Variants in DGKK observed in about 807,000 individuals in gnomAD.
DGKK encodes diacylglycerol kinase kappa, also known as 142 kDa diacylglycerol kinase.
DGKK carries 35 observed loss-of-function variants against 92.2 expected under a neutral mutation model. The observed-to-expected ratio is 0.38, with a 90% CI of 0.29 to 0.50. DGKK has a LOEUF of 0.50. Among genes scored for constraint, DGKK ranks in the 20% least tolerant of loss-of-function variants. The pLI, the probability that DGKK is intolerant of heterozygous loss-of-function variation, is 0.92. For missense variants in DGKK, 910 were observed against 992.2 expected (o/e 0.92, Z 1.11); for synonymous variants, 368 against 360.6 (o/e 1.02, Z -0.23).
rs781924107 is a variant in DGKK, at chrX:50,370,433, A to T, written c.3729T>A (p.Ser1243Arg). The change falls in exon 27 of 28, where the codon AGT (serine) becomes AGA (arginine). Residue 1243 changes from serine (S) to arginine (R), a missense_variant. Physicochemically the swap from Ser to Arg is moderately radical, Grantham distance 110. Transcript: ENST00000611977. The part of the protein sequence containing the change: ...RKPKSGQSVQ[S>R]FIGNLWHRRH... ...CCTGTGGGGGAGACTTACCAATAAA[A>T]CTCTGGACACTCTGGCCTGATTTAG... 1 of 1,186,616 alleles carries T rather than the reference A, an allele frequency of 8.4e-7. No homozygotes were observed. The highest frequency in any genetic ancestry group is 1.9e-5 in the South Asian group (1 of 53,536).
intron 1 of DGKK, among the ~76,000 whole-genome samples, chrX:50,435,781 C>CAGAG (rs1362629592): frequency 9.3e-6 from 1 of 107,864 alleles, no homozygotes; most frequent in Non-Finnish European, 1.9e-5. Flanking sequence ...GAGAGAGACT[C>CAGAG]AGAGAGAGAG....
chrX:50,443,175 A>G (rs1439987331), intron 1 of DGKK, among the ~76,000 whole-genome samples: 2 of 111,294 alleles, frequency 1.8e-5, no homozygotes, highest in Non-Finnish European at 3.8e-5. Flanking sequence ...AGGGTATTAT[A>G]CAAAGGGGTG....
At chrX:50,445,034 A>G (rs1926257481) in intron 1 of DGKK, among the ~76,000 whole-genome samples, 2 of 109,082 alleles carry the variant, frequency 1.8e-5, no homozygotes, top group South Asian at 8.0e-4. Flanking sequence ...CATTTCTCCA[A>G]TTATTAGCAA....
chrX:50,422,482 T>C lies in DGKK; in HGVS notation c.801A>G (p.Ala267=). 1 of 1,207,885 alleles carries C rather than the reference T, an allele frequency of 8.3e-7. No homozygotes were observed. Among genetic ancestry groups the C allele is most frequent in the South Asian group, 1.8e-5 (1 of 56,078 alleles). The stretch of plus-strand genomic sequence containing the variant: ...GGCAAAGGTTTCTACAGCTGCTTTC[T>C]GCCACAGTGGCTTGAGACAGATCAA... ...ETIDLSQATV[A]ESSCRNLCHS... is the part of the protein sequence containing the mutation. Residue 267 remains alanine, a synonymous_variant, in exon 3 of 28, where the codon GCA becomes GCG. Coordinates refer to ENST00000611977, the MANE Select transcript of DGKK (RefSeq NM_001013742.4).
chrX:50,392,540 T>C (rs1924727841), intron 9 of DGKK, 91 bp from the exon 10 acceptor site: 2 of 701,179 alleles, frequency 2.9e-6, no homozygotes, highest in East Asian at 6.7e-5. Context: ...GGATTGCTGC[T>C]TTGGCACTCT....
intron 1 of DGKK, among the ~76,000 whole-genome samples, chrX:50,443,461 T>G (rs1305627015): frequency 9.0e-6 from 1 of 110,737 alleles, no homozygotes; most frequent in African/African-American, 3.3e-5. Flanking sequence ...AGCAAAATAT[T>G]TAGCATCCAA....
intron 1 of DGKK, among the ~76,000 whole-genome samples, chrX:50,458,435 A>C (rs1178439480): frequency 1.8e-5 from 2 of 109,365 alleles, no homozygotes; most frequent in Non-Finnish European, 3.8e-5. Flanking sequence ...TGAAATAGGA[A>C]AAAATGTCAT....
At chrX:50,438,931 G>A (rs1557231058) in intron 1 of DGKK, among the ~76,000 whole-genome samples, 1 of 111,410 alleles carries the variant, frequency 9.0e-6, no homozygotes, top group African/African-American at 3.3e-5. Context: ...CCCAGGAATA[G>A]AGATTATTTC....
intron 27 of DGKK, 35 bp from the exon 28 acceptor site, chrX:50,369,054 G>C: frequency 9.0e-7 from 1 of 1,105,850 alleles, no homozygotes. Context: ...GAAATAATGA[G>C]GTTAGCACAA....
chrX:50,393,347 A>G lies in DGKK; in HGVS notation c.1412-12T>C, dbSNP rs1453351980. 17 of 1,178,760 alleles carry G rather than the reference A, an allele frequency of 1.4e-5. No homozygotes were observed. The highest frequency in any genetic ancestry group is 1.9e-5 in the Non-Finnish European group (17 of 877,068). Reference sequence around the variant, plus strand: ...TACTACTAATTGGCCTGACACAACGAAAAGAAAAAGAAGAAAAAAAAGAAC... The same window carrying G: ...TACTACTAATTGGCCTGACACAACGGAAAGAAAAAGAAGAAAAAAAAGAAC... On this transcript the variant is annotated splice_polypyrimidine_tract_variant and intron_variant, in intron 8 of 27. Coordinates refer to ENST00000611977, the MANE Select transcript of DGKK (RefSeq NM_001013742.4).
At chrX:50,429,165 T>C (rs1206525200) in intron 1 of DGKK, among the ~76,000 whole-genome samples, 2 of 111,721 alleles carry the variant, frequency 1.8e-5, no homozygotes, top group Non-Finnish European at 3.8e-5. Context: ...CTCACAACTA[T>C]GCAGTATCAC....
intron 1 of DGKK, among the ~76,000 whole-genome samples, chrX:50,455,059 G>A (rs1393413383): frequency 9.0e-6 from 1 of 111,629 alleles, no homozygotes; most frequent in Non-Finnish European, 1.9e-5. Flanking sequence ...CACAAACTGG[G>A]GACCTACTAG....
rs930419270 is a variant in DGKK at position 50,379,154 on chromosome X, C to T, written c.2863-463G>A. ...TGGTCAACATGGCGAAACCCTGTCT[C>T]TACTAAAAATACAAAAATTAGCCGG... is the stretch of plus-strand genomic sequence containing the variant. On this transcript the variant is annotated intron_variant, in intron 20 of 27. Transcript: ENST00000611977. 4.5e-5 allele frequency among the ~76,000 whole-genome samples: 5 copies of T among 110,898 alleles called. No homozygotes were observed. In the Admixed American group the frequency reaches 4.8e-4, roughly 11 times the overall value.
In DGKK at chrX:50,370,417, G is replaced by A; in HGVS notation, c.3736+9C>T. ...CTTCATGACCCCTCTGCCTGTGGGG[G>A]AGACTTACCAATAAAACTCTGGACA... is the stretch of plus-strand genomic sequence containing the variant. On this transcript the variant is annotated intron_variant, in intron 27 of 27. Transcript: ENST00000611977. 1 of 1,188,459 alleles carries A rather than the reference G, an allele frequency of 8.4e-7. No homozygotes were observed. The highest frequency in any genetic ancestry group is 1.1e-6 in the Non-Finnish European group (1 of 883,146).
At chrX:50,458,768 T>C (rs1557233053) in intron 1 of DGKK, among the ~76,000 whole-genome samples, 1 of 111,200 alleles carries the variant, frequency 9.0e-6, no homozygotes, top group African/African-American at 3.3e-5. Context: ...ATCTGTTGTC[T>C]TTAAAATTTC....
At chrX:50,369,633 C>T (rs782398613) in intron 27 of DGKK, among the ~76,000 whole-genome samples, 72 of 109,476 alleles carry the variant, frequency 6.6e-4, no homozygotes, top group Non-Finnish European at 1.2e-3. Context: ...ATGATGACAG[C>T]TCTCTGCAGC....
chrX:50,428,395 A>G (rs1418786574), intron 1 of DGKK, among the ~76,000 whole-genome samples: 1 of 110,437 alleles, frequency 9.1e-6, no homozygotes, highest in Non-Finnish European at 1.9e-5. Flanking sequence ...GAAACTGGAA[A>G]CAGGAGGACA....
rs1250423788 is a variant in DGKK, at chrX:50,441,213, C to G, written c.646-16855G>C. Among the ~76,000 whole-genome samples the G allele has an allele frequency of 2.7e-5, 3 of 111,633 alleles. No homozygotes were observed. In the Admixed American group the frequency reaches 2.9e-4, roughly 11 times the overall value. On this transcript the variant is annotated intron_variant, in intron 1 of 27. Transcript: ENST00000611977. Reference sequence around the variant, plus strand: ...TTAAGTAAATATGAAAGGGGACAGTCTCTCTTACCTCAAAATGTATAAAGT... The same window carrying G: ...TTAAGTAAATATGAAAGGGGACAGTGTCTCTTACCTCAAAATGTATAAAGT...
chrX:50,424,388 T>C (rs1602289827), intron 1 of DGKK, 30 bp from the exon 2 acceptor site: 2 of 1,135,802 alleles, frequency 1.8e-6, no homozygotes, highest in African/African-American at 3.6e-5. Context: ...TGTTGAGCAA[T>C]TAGATCAATT....
Sources: allele counts gnomAD v4.1 joint callset (sites outside exome capture counted in the v4.1 genomes callset), GRCh38; gene constraint gnomAD v4.1.1; transcripts MANE v1.5; gene names NCBI Gene and HGNC (gene_info 2026-07-23, HGNC 2026-07-21).